Variants in NCLN observed in about 807,000 individuals in gnomAD.
NCLN encodes the protein BOS complex subunit NCLN.
In NCLN, 34 loss-of-function variants were observed where a neutral mutation model predicts 69.5. The ratio of observed to expected loss-of-function variants is 0.49; its 90% confidence interval spans 0.37 to 0.65. The LOEUF is 0.65. NCLN is among the 30% of genes least tolerant of loss of function. The pLI is 0.00. For missense variants in NCLN, 710 were observed against 804.8 expected (o/e 0.88, Z 1.42); for synonymous variants, 393 against 358.3 (o/e 1.10, Z -1.09).
rs1259537803 is a variant in NCLN at position 3,206,415 on chromosome 19, G to A, written c.1489G>A (p.Ala497Thr). The A allele has an allele frequency of 1.3e-6, 2 of 1,547,080 alleles. No homozygotes were observed. The highest frequency in any genetic ancestry group is 1.7e-6 in the Non-Finnish European group (2 of 1,146,534). The change falls in exon 12 of 15, where the codon GCT becomes ACT. Residue 497 changes from alanine (A) to threonine (T), a missense_variant. Transcript: ENST00000246117. ...LKDVKQHHVKADKRDPEFVFY... is the reference protein window; with the variant it reads ...LKDVKQHHVKTDKRDPEFVFY... The stretch of plus-strand genomic sequence containing the variant: ...GGACGTGAAGCAGCACCACGTCAAG[G>A]CTGACAAGCGGTGAGGCTGGGGCTC...
At chr19:3,188,990 T>C (rs578149113) in intron 1 of NCLN, among the ~76,000 whole-genome samples, 15 of 152,318 alleles carry the variant, frequency 9.8e-5, no homozygotes, top group African/African-American at 3.4e-4. Flanking sequence ...ATCTTCCCGG[T>C]GTGCTTTCAC....
Position 3,205,919 on chromosome 19 carries a change from A to G in NCLN, c.1209-20A>G, listed in dbSNP as rs771613671. On this transcript the variant is annotated intron_variant, in intron 9 of 14. Coordinates refer to ENST00000246117, the MANE Select transcript of NCLN (RefSeq NM_020170.4). This position sits in a 1 kb window ranked among gnomAD's most constrained non-coding sequence, Gnocchi z 4.6. The stretch of plus-strand genomic sequence containing the variant: ...TGGCCCAAAGTCCACATTTTAAAAC[A>G]TTGTTTTTGAATCGTGAAGGTCCCG... The G allele has an allele frequency of 1.2e-6, 2 of 1,612,834 alleles. No individual in the cohort carries two copies. Among genetic ancestry groups the G allele is most frequent in the East Asian group, 4.5e-5 (2 of 44,868 alleles).
In NCLN at chr19:3,205,216, A is replaced by G. The variant is rs1201946974; in HGVS notation, c.1208+465A>G. ...CTGCCCGTCTCTCTGCCATCATGTGAGCCCCTGGGCAGGCTTTTGTGGAGC... is the reference window on the plus strand; with the variant it reads ...CTGCCCGTCTCTCTGCCATCATGTGGGCCCCTGGGCAGGCTTTTGTGGAGC... On this transcript the variant is annotated intron_variant, in intron 9 of 14. Transcript: ENST00000246117. This position sits in a 1 kb window ranked among gnomAD's most constrained non-coding sequence, Gnocchi z 4.6. Among the ~76,000 whole-genome samples the G allele has an allele frequency of 6.6e-6, 1 of 152,012 alleles. No homozygotes were observed. The highest frequency in any genetic ancestry group is 1.5e-5 in the Non-Finnish European group (1 of 68,000).
chr19:3,191,648 TCCAG>T (rs1430883943), intron 1 of NCLN, among the ~76,000 whole-genome samples: 1 of 152,254 alleles, frequency 6.6e-6, no homozygotes, highest in East Asian at 1.9e-4. Flanking sequence ...AGGAGTTGAA[TCCAG>T]CCTGCCCTTG....
chr19:3,205,529 T>A lies in NCLN; in HGVS notation c.1209-410T>A, dbSNP rs574280927. On this transcript the variant is annotated intron_variant, in intron 9 of 14. Coordinates refer to ENST00000246117, the MANE Select transcript of NCLN (RefSeq NM_020170.4). This position sits in a 1 kb window ranked among gnomAD's most constrained non-coding sequence, Gnocchi z 4.6. ...AAGATTGCCAGGAAATGAGGGTGGG[T>A]GCACGGCTGTCCCAGCTGTGCTGAG... Among the ~76,000 whole-genome samples the A allele has an allele frequency of 6.6e-6, 1 of 152,316 alleles. No individual in the cohort carries two copies. The highest frequency in any genetic ancestry group is 2.4e-5 in the African/African-American group (1 of 41,566).
At chr19:3,193,108 G>A (rs564710933) in intron 2 of NCLN, among the ~76,000 whole-genome samples, 176 bp from the exon 3 acceptor site, 140 of 149,936 alleles carry the variant, frequency 9.3e-4, no homozygotes, top group African/African-American at 3.1e-3. Flanking sequence ...CATGGTTCAT[G>A]CCGCCCTCTG....
At position 3,204,633 on chromosome 19, in the gene NCLN, G is replaced by A; in HGVS notation, c.1090G>A (p.Ala364Thr). 1 of 1,607,592 alleles carries A rather than the reference G, an allele frequency of 6.2e-7. No individual in the cohort carries two copies. The highest frequency in any genetic ancestry group is 8.5e-7 in the Non-Finnish European group (1 of 1,177,262). ...FSMVHKRINL[A>T]EDVLAWEHER... ...CATGGTGCACAAGCGGATCAACCTG[G>A]CGGAGGACGTGCTGGCCTGGGAGCA... The change falls in exon 9 of 15, where the codon GCG (alanine) becomes ACG (threonine). Residue 364 changes from alanine to threonine, a missense_variant. Coordinates refer to ENST00000246117, the MANE Select transcript of NCLN (RefSeq NM_020170.4).
At chr19:3,196,090 C>T in intron 3 of NCLN, 93 bp from the exon 4 acceptor site, 2 of 847,276 alleles carry the variant, frequency 2.4e-6, no homozygotes, top group South Asian at 2.0e-5. Context: ...TTGGCTCTGC[C>T]CGAGCCCCCA....
intron 4 of NCLN, among the ~76,000 whole-genome samples, chr19:3,197,505 G>A (rs1011608433): frequency 1.3e-5 from 2 of 152,172 alleles, no homozygotes; most frequent in East Asian, 3.8e-4. Context: ...GCAGTGGCGC[G>A]ATCTCTGCTA....
At chr19:3,201,341 G>A (rs79541922) in intron 5 of NCLN, among the ~76,000 whole-genome samples, 182 bp from the exon 6 acceptor site, 94 of 152,350 alleles carry the variant, frequency 6.2e-4, no homozygotes, top group Middle Eastern at 3.4e-3. Flanking sequence ...CTGCCCACTG[G>A]ACGTGGCAGA....
intron 5 of NCLN, among the ~76,000 whole-genome samples, chr19:3,200,200 C>A (rs533371825): frequency 1.9e-4 from 29 of 152,304 alleles, no homozygotes; most frequent in African/African-American, 6.3e-4. Flanking sequence ...CCACCCGCCT[C>A]GGCCTCCTAA....
intron 3 of NCLN, 59 bp from the exon 4 acceptor site, chr19:3,196,124 T>A (rs311615): frequency 1.5e-6 from 2 of 1,300,532 alleles, no homozygotes; most frequent in East Asian, 5.2e-5. Flanking sequence ...GTGCTGGGGA[T>A]GCCCCCTGGC....
At chr19:3,195,925 C>G (rs1046396607) in intron 3 of NCLN, among the ~76,000 whole-genome samples, 1 of 152,120 alleles carries the variant, frequency 6.6e-6, no homozygotes, top group Non-Finnish European at 1.5e-5. Flanking sequence ...ATTGAGGGCC[C>G]GGGAGGAAAG....
intron 1 of NCLN, among the ~76,000 whole-genome samples, chr19:3,188,493 C>T (rs1915727722): frequency 6.6e-6 from 1 of 152,152 alleles, no homozygotes; most frequent in South Asian, 2.1e-4. Flanking sequence ...ACGTTCACCC[C>T]GTTTTCCTTC....
chr19:3,198,781 G>C (rs1221170725), intron 4 of NCLN, 36 bp from the exon 5 acceptor site: 6 of 1,550,540 alleles, frequency 3.9e-6, no homozygotes, highest in Non-Finnish European at 5.2e-6. Context: ...CCTGCCCCAG[G>C]AACAGCCAGG....
chr19:3,190,047 G>C (rs1915776459), intron 1 of NCLN, among the ~76,000 whole-genome samples: 2 of 152,210 alleles, frequency 1.3e-5, no homozygotes, highest in Non-Finnish European at 2.9e-5. Context: ...CGGAGAACGG[G>C]GGTGCCTGCC....
chr19:3,188,375 C>T lies in NCLN; in HGVS notation c.184+2161C>T, dbSNP rs542510743. 1.3e-4 allele frequency among the ~76,000 whole-genome samples: 20 copies of T among 152,312 alleles called. No individual in the cohort carries two copies. The South Asian group carries it at 2.3e-3, about 17-fold the overall frequency. ...CGCCCAGGGAATGCATGTTGTCTAT[C>T]GAGTGAGCAGATGTCTCCCCGTTCC... On this transcript the variant is annotated intron_variant, in intron 1 of 14. Coordinates refer to ENST00000246117, the MANE Select transcript of NCLN (RefSeq NM_020170.4).
chr19:3,201,643 G>T lies in NCLN; in HGVS notation c.800+17G>T. The T allele has an allele frequency of 1.3e-6, 2 of 1,516,782 alleles. No individual in the cohort carries two copies. The highest frequency in any genetic ancestry group is 8.8e-7 in the Non-Finnish European group (1 of 1,131,750). 94.0% of individuals were successfully genotyped at this position (1,516,782 alleles called of 1,614,324 possible). A position where few individuals can be genotyped will look rare whatever the true frequency, so the allele number is the denominator to read the frequency against. Reference sequence around the variant, plus strand: ...GCACGCCGCGTGAGTGCCGGGGTGGGCAGGGGGATGGGGGTGCGGGGGCCA... The same window carrying T: ...GCACGCCGCGTGAGTGCCGGGGTGGTCAGGGGGATGGGGGTGCGGGGGCCA... On this transcript the variant is annotated intron_variant, in intron 6 of 14. Transcript: ENST00000246117.
intron 3 of NCLN, among the ~76,000 whole-genome samples, chr19:3,193,721 G>A (rs1287359349): frequency 6.6e-6 from 1 of 152,228 alleles, no homozygotes; most frequent in African/African-American, 2.4e-5. Flanking sequence ...GATCCTCAGG[G>A]GCTCGGGGTT....
Sources: gnomAD v4.1 joint callset for allele counts (sites outside exome capture counted in the v4.1 genomes callset) on GRCh38, gnomAD v4.1.1 for gene constraint, Gnocchi (gnomAD v3.1) non-coding constraint, MANE v1.5 for transcripts, NCBI Gene and HGNC (gene_info 2026-07-23, HGNC 2026-07-21) for gene names.